IL11: variants seen among roughly 807,000 people sequenced by gnomAD.
The protein encoded by IL11 is interleukin-11.
A neutral mutation model predicts 18.1 loss-of-function variants in IL11; 17 were observed. The ratio of observed to expected loss-of-function variants is 0.94; its 90% CI spans 0.64 to 1.41. The LOEUF (loss-of-function observed/expected upper bound fraction) is 1.41, where lower values mean the gene tolerates loss of function less well. IL11 is among the 40% of genes most tolerant of loss of function. The pLI, the probability that IL11 is intolerant of heterozygous loss-of-function variation, is 0.00. For missense variants in IL11, 309 were observed against 262.8 expected (o/e 1.18, Z -1.22); for synonymous variants, 144 against 134.1 (o/e 1.07, Z -0.51).
rs1202197896 is a variant in IL11 at position 55,369,692 on chromosome 19, C to G, written c.7+612G>C. On this transcript the variant is annotated intron_variant, in intron 1 of 4. Transcript: ENST00000264563. This position sits in a 1 kb window ranked among gnomAD's most constrained non-coding sequence, Gnocchi z 6.1. ...CCGCAGCCCACCCCGGCCGCCCCGC[C>G]CACCCGGCCACCCGCCAGCCAATCA... Among the ~76,000 whole-genome samples the G allele has an allele frequency of 6.9e-6, 1 of 145,562 alleles. No individual in the cohort carries two copies. Among genetic ancestry groups the G allele is most frequent in the East Asian group, 2.0e-4 (1 of 4,896 alleles).
rs2089798419 is a variant in IL11 at position 55,368,297 on chromosome 19, T to C, written c.342A>G (p.Ala114=). The C allele has an allele frequency of 2.5e-6, 4 of 1,576,384 alleles. No individual in the cohort carries two copies. Among genetic ancestry groups the C allele is most frequent in the Non-Finnish European group, 3.4e-6 (4 of 1,160,306 alleles). ...YLRHVQWLRR[A]GGSSLKTLEP... Reference sequence around the variant, plus strand: ...CCAGGGTCTTCAGGGAAGAGCCACCTGCCCGGCGCAGCCACTGCACGTGCC... The same window carrying C: ...CCAGGGTCTTCAGGGAAGAGCCACCCGCCCGGCGCAGCCACTGCACGTGCC... Residue 114 remains alanine, a synonymous_variant, in exon 4 of 5, where the codon GCA becomes GCG. Transcript: ENST00000264563.
chr19:55,366,316 G>T lies in IL11; in HGVS notation c.430-139C>A. Reference sequence around the variant, plus strand: ...GCGCGTGGGGTGAAGTGTTTAGGCCGGGAGCTCTTCAGGCTGTGGGGTTCC... The same window carrying T: ...GCGCGTGGGGTGAAGTGTTTAGGCCTGGAGCTCTTCAGGCTGTGGGGTTCC... On this transcript the variant is annotated intron_variant, in intron 4 of 4. Transcript: ENST00000264563. The surrounding 1 kb of genome is among the most constrained non-coding windows in gnomAD (Gnocchi z 4.6). 1.1e-6 allele frequency: 1 copy of T among 878,342 alleles called. No individual in the cohort carries two copies. The highest frequency in any genetic ancestry group is 1.6e-6 in the Non-Finnish European group (1 of 609,946). 54.4% of individuals were successfully genotyped at this position (878,342 alleles called of 1,614,324 possible). A position where few individuals can be genotyped will look rare whatever the true frequency, so the allele number is the denominator to read the frequency against.
Position 55,368,942 on chromosome 19 carries a change from C to G in IL11, c.8-1G>C. 1 of 1,505,122 alleles carries G rather than the reference C, an allele frequency of 6.6e-7. No individual in the cohort carries two copies. The highest frequency in any genetic ancestry group is 8.9e-7 in the Non-Finnish European group (1 of 1,121,072). 93.2% of individuals were successfully genotyped at this position (1,505,122 alleles called of 1,614,324 possible). On this transcript the variant is annotated splice_acceptor_variant, in intron 1 of 4. Coordinates refer to ENST00000264563, the MANE Select transcript of IL11 (RefSeq NM_000641.4). LOFTEE classifies it high-confidence loss of function. ...ACGACCAGGACCAGGCGGCAAACAC[C>G]TGGGGGCAGGATAAGGCAGAGAGCT...
Position 55,368,841 on chromosome 19 carries a change from C to T in IL11, c.108G>A (p.Arg36=), listed in dbSNP as rs1452313081. ...GGAGCACGGTGCTGTCCAGCTCGGC[C>T]CGAGGGTCTGGGGAAACTCGAGGGG... is the stretch of plus-strand genomic sequence containing the variant. ...PGPPRVSPDP[R]AELDSTVLLT... is the part of the protein sequence containing the mutation. The change falls in exon 2 of 5, where the codon CGG becomes CGA. Residue 36 remains arginine (R), a synonymous_variant. Coordinates refer to ENST00000264563, the MANE Select transcript of IL11 (RefSeq NM_000641.4). 1.3e-6 allele frequency: 2 copies of T among 1,589,148 alleles called. No individual in the cohort carries two copies. The highest frequency in any genetic ancestry group is 1.7e-6 in the Non-Finnish European group (2 of 1,168,456).
intron 4 of IL11, among the ~76,000 whole-genome samples, chr19:55,367,504 A>G (rs1343680845): frequency 8.7e-6 from 1 of 114,776 alleles, no homozygotes; most frequent in Non-Finnish European, 1.7e-5. Context: ...CTTGTTGCCC[A>G]GGCTGGAGTG....
Position 55,364,645 on chromosome 19 carries a change from G to A in IL11, c.*1362C>T, listed in dbSNP as rs1417759661. The A allele has an allele frequency of 6.6e-6, 1 of 152,174 alleles. No homozygotes were observed. The highest frequency in any genetic ancestry group is 1.5e-5 in the Non-Finnish European group (1 of 68,028). The allele number at this position is 152,174 out of a possible 1,614,324, so 9.4% of individuals were successfully genotyped here. The stretch of plus-strand genomic sequence containing the variant: ...GTGGTTTTGTAGCCTGCTGTTTCAT[G>A]TCAGGACATCATTCTTTCTTTTTTG... On this transcript the variant is annotated 3_prime_UTR_variant, in exon 5 of 5. Transcript: ENST00000264563.
intron 4 of IL11, among the ~76,000 whole-genome samples, chr19:55,367,869 G>T (rs943989156): frequency 2.0e-5 from 3 of 152,134 alleles, no homozygotes; most frequent in African/African-American, 4.8e-5. Flanking sequence ...TTAGGGGCTG[G>T]GATCTGGGGA....
Position 55,369,139 on chromosome 19 carries a change from A to T in IL11, c.8-198T>A, listed in dbSNP as rs866145180. 18 of 474,234 alleles carry T rather than the reference A, an allele frequency of 3.8e-5. No individual in the cohort carries two copies. The highest frequency in any genetic ancestry group is 6.3e-5 in the Non-Finnish European group (17 of 270,538). 29.4% of individuals were successfully genotyped at this position (474,234 alleles called of 1,614,324 possible). A position where few individuals can be genotyped will look rare whatever the true frequency, so the allele number is the denominator to read the frequency against. On this transcript the variant is annotated intron_variant, in intron 1 of 4. Coordinates refer to ENST00000264563, the MANE Select transcript of IL11 (RefSeq NM_000641.4). This position sits in a 1 kb window ranked among gnomAD's most constrained non-coding sequence, Gnocchi z 6.1. ...GGGTCTGGACTCCTGGGTCTCGGGG[A>T]GGAGGGTCTGGGGCCTGGACTCCCG...
chr19:55,370,352 A>G lies in IL11; in HGVS notation c.-42T>C, dbSNP rs1289724823. On this transcript the variant is annotated 5_prime_UTR_variant, in exon 1 of 5. Transcript: ENST00000264563. ...GGGTTCCCCAGGGCAGGGGGCAGGG[A>G]GCCGGGGGCCTTTAACCCTTCCCTG... 4.9e-5 allele frequency: 68 copies of G among 1,397,452 alleles called. No individual in the cohort carries two copies. Among genetic ancestry groups the G allele is most frequent in the Non-Finnish European group, 6.1e-5 (65 of 1,066,784 alleles). 86.6% of individuals were successfully genotyped at this position (1,397,452 alleles called of 1,614,324 possible). A position where few individuals can be genotyped will look rare whatever the true frequency, so the allele number is the denominator to read the frequency against.
At chr19:55,368,702 C>T (rs891097603) in intron 2 of IL11, 67 bp downstream of exon 2, 20 of 1,508,750 alleles carry the variant, frequency 1.3e-5, no homozygotes, top group Non-Finnish European at 1.7e-5. Context: ...AAGTGGCTGC[C>T]CGCAGACTCC....
rs556083251 is a variant in IL11 at position 55,369,312 on chromosome 19, C to T, written c.8-371G>A. The T allele has an allele frequency of 1.1e-4, 19 of 165,968 alleles. No homozygotes were observed. The highest frequency in any genetic ancestry group is 2.0e-4 in the South Asian group (1 of 4,998). 10.3% of individuals were successfully genotyped at this position (165,968 alleles called of 1,614,324 possible). A position where few individuals can be genotyped will look rare whatever the true frequency, so the allele number is the denominator to read the frequency against. On this transcript the variant is annotated intron_variant, in intron 1 of 4. Transcript: ENST00000264563. The surrounding 1 kb of genome is among the most constrained non-coding windows in gnomAD (Gnocchi z 6.1). Reference sequence around the variant, plus strand: ...ACGCGGCCCGGGGCGGGTAGACGGGCCGGGCGTCTCCCGTCCGCCCCCGGA... The same window carrying T: ...ACGCGGCCCGGGGCGGGTAGACGGGTCGGGCGTCTCCCGTCCGCCCCCGGA...
Position 55,365,629 on chromosome 19 carries a change from C to G in IL11, c.*378G>C, listed in dbSNP as rs1268626911. 4.7e-6 allele frequency: 1 copy of G among 214,702 alleles called. No homozygotes were observed. The highest frequency in any genetic ancestry group is 9.2e-6 in the Non-Finnish European group (1 of 108,696). The allele number at this position is 214,702 out of a possible 1,614,324, so 13.3% of individuals were successfully genotyped here. ...TTTCTCACATTTTTGTACAAAAACC[C>G]AGGCTTCCCTTTCCCCTCCGTCCCC... On this transcript the variant is annotated 3_prime_UTR_variant, in exon 5 of 5. Transcript: ENST00000264563.
chr19:55,367,985 T>C (rs1156405028), intron 4 of IL11, among the ~76,000 whole-genome samples: 1 of 151,910 alleles, frequency 6.6e-6, no homozygotes, highest in Non-Finnish European at 1.5e-5. Context: ...CCACAGGATC[T>C]TGGGACTGCA....
At position 55,365,944 on chromosome 19, in the gene IL11, A is replaced by G; in HGVS notation, c.*63T>C. On this transcript the variant is annotated 3_prime_UTR_variant, in exon 5 of 5. Transcript: ENST00000264563. ...ATCACCTGGCTGTTTCGCCCCCAGTACTGAAATAAATAAATAAATAAGATC... is the reference window on the plus strand; with the variant it reads ...ATCACCTGGCTGTTTCGCCCCCAGTGCTGAAATAAATAAATAAATAAGATC... The G allele has an allele frequency of 6.5e-7, 1 of 1,547,644 alleles. No homozygotes were observed. The highest frequency in any genetic ancestry group is 2.0e-5 in the Admixed American group (1 of 50,742).
In IL11 at chr19:55,364,932, C is replaced by T. The variant is rs2089776016; in HGVS notation, c.*1075G>A. 1 of 152,222 alleles carries T rather than the reference C, an allele frequency of 6.6e-6. No individual in the cohort carries two copies. The highest frequency in any genetic ancestry group is 1.5e-5 in the Non-Finnish European group (1 of 68,060). The allele number at this position is 152,222 out of a possible 1,614,324, so 9.4% of individuals were successfully genotyped here. On this transcript the variant is annotated 3_prime_UTR_variant, in exon 5 of 5. Coordinates refer to ENST00000264563, the MANE Select transcript of IL11 (RefSeq NM_000641.4). ...TCACTGTTGGATATCTAGATTGTTT[C>T]CAGTTTGCTATGGTGAACACAGCCA...
chr19:55,368,633 G>C, intron 2 of IL11, 64 bp from the exon 3 acceptor site: 1 of 1,507,574 alleles, frequency 6.6e-7, no homozygotes, highest in Non-Finnish European at 9.0e-7. Context: ...CATCCCCCAC[G>C]CCAGGCCCCC....
intron 1 of IL11, 82 bp downstream of exon 1, chr19:55,370,222 C>T: frequency 4.7e-6 from 5 of 1,064,722 alleles, no homozygotes; most frequent in Non-Finnish European, 7.1e-6. Flanking sequence ...TGCGACTCAG[C>T]GGGGTCTGCT....
rs955379031 is a variant in IL11 at position 55,369,647 on chromosome 19, G to A, written c.7+657C>T. Among the ~76,000 whole-genome samples the A allele has an allele frequency of 1.4e-3, 176 of 127,602 alleles. 1 individual carries two copies. The highest frequency in any genetic ancestry group is 6.2e-3 in the African/African-American group (172 of 27,946). 83.7% of individuals were successfully genotyped at this position (127,602 alleles called of 152,430 possible). On this transcript the variant is annotated intron_variant, in intron 1 of 4. Transcript: ENST00000264563. This position sits in a 1 kb window ranked among gnomAD's most constrained non-coding sequence, Gnocchi z 6.1. Reference sequence around the variant, plus strand: ...GGGGCGCGGGGGGCGCGGGGGGCGCGGGGGTCCGGAGCTCGCTCCCCGCAG... The same window carrying A: ...GGGGCGCGGGGGGCGCGGGGGGCGCAGGGGTCCGGAGCTCGCTCCCCGCAG...
rs1275422676 is a variant in IL11 at position 55,366,366 on chromosome 19, G to A, written c.430-189C>T. ...CGAAAATGGAGGCTGGAGTCAGGAC[G>A]GGCTTCCAGAGCTGAGTGTGGGGGT... is the stretch of plus-strand genomic sequence containing the variant. On this transcript the variant is annotated intron_variant, in intron 4 of 4. Coordinates refer to ENST00000264563, the MANE Select transcript of IL11 (RefSeq NM_000641.4). The surrounding 1 kb of genome is among the most constrained non-coding windows in gnomAD (Gnocchi z 4.6). Among the ~76,000 whole-genome samples, 3 of 152,078 alleles carry A rather than the reference G, an allele frequency of 2.0e-5. No homozygotes were observed. The highest frequency in any genetic ancestry group is 6.6e-5 in the Admixed American group (1 of 15,266).
Sources: gnomAD v4.1 joint callset for allele counts (sites outside exome capture counted in the v4.1 genomes callset) on GRCh38, gnomAD v4.1.1 for gene constraint, Gnocchi (gnomAD v3.1) non-coding constraint, MANE v1.5 for transcripts, NCBI Gene and HGNC (gene_info 2026-07-23, HGNC 2026-07-21) for gene names.